OGG1: variants seen among roughly 807,000 people sequenced by gnomAD.
OGG1 encodes 8-oxoguanine DNA glycosylase, also known as N-glycosylase/DNA lyase.
In OGG1, 35 loss-of-function variants were observed where a neutral mutation model predicts 42.3. The ratio of observed to expected loss-of-function variants is 0.83; its 90% CI spans 0.63 to 1.10. OGG1 has a LOEUF of 1.10. OGG1 is among the 50% of genes least tolerant of loss of function. The probability of loss-of-function intolerance (pLI) is 0.00; values close to 1 mark genes in which losing one functional copy is unlikely to be tolerated. For synonymous variants in OGG1, 189 were observed against 179.0 expected, an observed-to-expected ratio of 1.06 and a Z score of -0.44; for missense variants, 484 against 446.7, an observed-to-expected ratio of 1.08 and a Z score of -0.75.
At chr3:9,776,668 C>T (rs1187087019) in intron 2 of OGG1, among the ~76,000 whole-genome samples, 5 of 152,162 alleles carry the variant, frequency 3.3e-5, no homozygotes, top group Non-Finnish European at 7.4e-5. Flanking sequence ...GGATTACAGG[C>T]GTGAGCCACC....
chr3:9,785,127 G>T (rs777226206), intron 3 of OGG1, among the ~76,000 whole-genome samples: 1 of 152,170 alleles, frequency 6.6e-6, no homozygotes, highest in Non-Finnish European at 1.5e-5. Flanking sequence ...GAACAGTTCT[G>T]TGCTGAACAA....
downstream of OGG1, chr3:9,761,932 G>T: frequency 1.1e-6 from 1 of 923,016 alleles, no homozygotes; most frequent in Non-Finnish European, 1.6e-6. Context: ...TTCCAGGAAG[G>T]ACAAGGCTCA....
At chr3:9,760,851 C>A (rs2077828730), downstream of OGG1, 9 of 1,584,718 alleles carry the variant, frequency 5.7e-6, no homozygotes, top group Non-Finnish European at 7.7e-6. Flanking sequence ...TCTCAGGGGT[C>A]AGGCAGGAGC....
downstream of OGG1, chr3:9,789,366 T>C (rs563457660): frequency 4.8e-4 from 337 of 703,266 alleles, 1 homozygote; most frequent in Admixed American, 5.5e-4. Context: ...TGGGCCTAGG[T>C]GTCTGGAGGC....
chr3:9,750,157 A>T lies in OGG1; in HGVS notation c.-130A>T. 1 of 1,161,408 alleles carries T rather than the reference A, an allele frequency of 8.6e-7. No homozygotes were observed. The highest frequency in any genetic ancestry group is 1.2e-6 in the Non-Finnish European group (1 of 826,318). 71.9% of individuals were successfully genotyped at this position (1,161,408 alleles called of 1,614,324 possible). ...GTGGAGGAATTAAGTGAAACAGGGA[A>T]GGTTGTTAAACAGCACCGTGTGGGC... is the stretch of plus-strand genomic sequence containing the variant. On this transcript the variant is annotated 5_prime_UTR_variant, in exon 1 of 7. It adds an upstream start codon to the 5' untranslated region. Transcript: ENST00000344629.
At chr3:9,785,548 C>T (rs1412103649) in intron 3 of OGG1, 8 of 664,400 alleles carry the variant, frequency 1.2e-5, no homozygotes, top group East Asian at 2.8e-5. Flanking sequence ...TCCCACCTAC[C>T]GTGGGAAGCC....
At chr3:9,761,214 A>T (rs552340744), downstream of OGG1, 5 of 449,848 alleles carry the variant, frequency 1.1e-5, no homozygotes, top group South Asian at 1.5e-4. Context: ...TACTAGAAAG[A>T]AAGTCAGCTC....
downstream of OGG1, chr3:9,759,750 G>C: frequency 1.9e-6 from 3 of 1,614,000 alleles, no homozygotes. Context: ...GAAATCTTTG[G>C]CTAAACCCCC....
downstream of OGG1, chr3:9,759,338 A>G: frequency 6.4e-7 from 1 of 1,565,308 alleles, no homozygotes; most frequent in East Asian, 2.2e-5. Flanking sequence ...TTGTTGAATG[A>G]AAGAGTGAAT....
intron 2 of OGG1, among the ~76,000 whole-genome samples, chr3:9,779,622 T>G (rs1158948338): frequency 1.3e-5 from 2 of 152,090 alleles, no homozygotes; most frequent in Non-Finnish European, 2.9e-5. Context: ...AACCTGCACG[T>G]TGTACACATG....
At chr3:9,757,695 C>T (rs1192252233), downstream of OGG1, 1 of 1,614,058 alleles carries the variant, frequency 6.2e-7, no homozygotes, top group East Asian at 2.2e-5. The surrounding 1 kb of genome is among the most constrained non-coding windows in gnomAD (Gnocchi z 4.5). Context: ...CCTTTGTGGA[C>T]CACCCATGCC....
At chr3:9,788,496 C>T (rs1044101161), downstream of OGG1, among the ~76,000 whole-genome samples, 11 of 150,178 alleles carry the variant, frequency 7.3e-5, no homozygotes, top group Non-Finnish European at 1.3e-4. Flanking sequence ...CTGCCCGCCT[C>T]GGCCTCCCAA....
At chr3:9,761,905 C>G, downstream of OGG1, 10 of 1,255,520 alleles carry the variant, frequency 8.0e-6, no homozygotes, top group South Asian at 1.6e-5. Context: ...CAAGGAAGCT[C>G]TCAAGAAGGC....
chr3:9,770,984 CTCTT>C (rs111823516), downstream of OGG1, among the ~76,000 whole-genome samples: 19 of 151,974 alleles, frequency 1.3e-4, no homozygotes, highest in African/African-American at 2.4e-4. Flanking sequence ...TTTCCTTTTT[CTCTT>C]TCTTTCTTTC....
downstream of OGG1, among the ~76,000 whole-genome samples, chr3:9,790,272 G>C (rs963547387): frequency 6.6e-6 from 1 of 152,126 alleles, no homozygotes; most frequent in East Asian, 1.9e-4. Flanking sequence ...CCTTCACTTC[G>C]ATGTCACCAC....
At chr3:9,759,141 T>C (rs1450593258), downstream of OGG1, 2 of 1,454,316 alleles carry the variant, frequency 1.4e-6, no homozygotes, top group Non-Finnish European at 1.9e-6. Context: ...GGAATGGCTA[T>C]AGACATTATT....
At chr3:9,756,974 C>T (rs2471903) in intron 6 of OGG1, 87 bp from the exon 7 acceptor site, 2 of 1,612,374 alleles carry the variant, frequency 1.2e-6, no homozygotes, top group Admixed American at 1.7e-5. Context: ...TCCCCAAGGA[C>T]TCTTCCACCT....
chr3:9,750,594 A>T, intron 1 of OGG1, 171 bp downstream of exon 1: 1 of 886,076 alleles, frequency 1.1e-6, no homozygotes, highest in Non-Finnish European at 1.8e-6. Context: ...CTGTACAGTG[A>T]TAATTGTAAG....
chr3:9,768,358 C>A (rs1185040039), downstream of OGG1, among the ~76,000 whole-genome samples: 1 of 152,256 alleles, frequency 6.6e-6, no homozygotes, highest in African/African-American at 2.4e-5. Flanking sequence ...AGACCTCTCC[C>A]TCCTGACTCC....
Sources: gnomAD v4.1 joint callset for allele counts (sites outside exome capture counted in the v4.1 genomes callset) on GRCh38, gnomAD v4.1.1 for gene constraint, Gnocchi (gnomAD v3.1) non-coding constraint, MANE v1.5 for transcripts, NCBI Gene and HGNC (gene_info 2026-07-23, HGNC 2026-07-21) for gene names.